The following LSM12 variants were observed in gnomAD, a reference collection of about 807,000 sequenced individuals.
The protein encoded by LSM12 is LSM12 homolog.
For missense variants in LSM12, 108 were observed against 238.9 expected (o/e 0.45, Z 3.61); for synonymous variants, 74 against 87.3 (o/e 0.85, Z 0.85).
intron 2 of LSM12, among the ~76,000 whole-genome samples, chr17:44,046,121 G>A (rs975895103): frequency 5.3e-5 from 8 of 151,064 alleles, no homozygotes; most frequent in Non-Finnish European, 1.2e-4. Context: ...ATTTTTAGTA[G>A]AGACAGGGTT....
intron 2 of LSM12, among the ~76,000 whole-genome samples, chr17:44,050,842 A>T (rs1414029031): frequency 6.6e-6 from 1 of 152,170 alleles, no homozygotes; most frequent in East Asian, 1.9e-4. Context: ...TTCTAATAAA[A>T]TACTGTTCCT....
chr17:44,061,334 AAC>A (rs1041100184), intron 2 of LSM12, among the ~76,000 whole-genome samples: 5 of 151,786 alleles, frequency 3.3e-5, no homozygotes, highest in African/African-American at 7.3e-5. Context: ...AAAAAAAAAA[AAC>A]ACCAAGGAAT....
chr17:44,059,557 A>T (rs995194221), intron 2 of LSM12, among the ~76,000 whole-genome samples: 5 of 152,082 alleles, frequency 3.3e-5, no homozygotes, highest in African/African-American at 1.2e-4. Flanking sequence ...GTCTCAAAAA[A>T]AAGAATTCCC....
intron 2 of LSM12, among the ~76,000 whole-genome samples, chr17:44,041,334 A>ACACACACACAAACACAC (rs2049491143): frequency 2.9e-5 from 3 of 104,546 alleles, no homozygotes; most frequent in Non-Finnish European, 5.8e-5. Context: ...CACACACACA[A>ACACACACACAAACACAC]ACACACACAC....
At chr17:44,066,790 G>A (rs940402879), upstream of LSM12, 2 of 548,158 alleles carry the variant, frequency 3.6e-6, no homozygotes, top group Non-Finnish European at 5.3e-6. Flanking sequence ...TATTTGTATA[G>A]CTGCGTCCGC....
intron 2 of LSM12, among the ~76,000 whole-genome samples, chr17:44,041,786 T>C (rs983439741): frequency 1.1e-4 from 17 of 152,188 alleles, no homozygotes; most frequent in Non-Finnish European, 2.1e-4. Flanking sequence ...GAGGTACAAA[T>C]TTGTTTGAGT....
rs1242893520 is a variant in LSM12 at position 44,035,227 on chromosome 17, C to CAAGA, written c.*977_*980dup. 4.1e-5 allele frequency: 2 copies of CAAGA among 49,302 alleles called. No individual in the cohort carries two copies. The highest frequency in any genetic ancestry group is 1.7e-4 in the African/African-American group (2 of 11,946). The allele number at this position is 49,302 out of a possible 1,614,324, so 3.1% of individuals were successfully genotyped here. A position where few individuals can be genotyped will look rare whatever the true frequency, so the allele number is the denominator to read the frequency against. On this transcript the variant is annotated 3_prime_UTR_variant, in exon 5 of 5. Coordinates refer to ENST00000293406, the MANE Select transcript of LSM12 (RefSeq NM_001371445.1). ...CAATGAGGAGCTGAGATGTGCCATG[C>CAAGA]AAGAGAGTTCTTCCTGCAGAGGCAC... is the stretch of plus-strand genomic sequence containing the variant.
At chr17:44,051,223 G>C (rs1443582480) in intron 2 of LSM12, among the ~76,000 whole-genome samples, 1 of 151,898 alleles carries the variant, frequency 6.6e-6, no homozygotes, top group Non-Finnish European at 1.5e-5. Flanking sequence ...TGGCCAATAT[G>C]GTAAAACCCC....
At chr17:44,063,259 T>C (rs2049823895) in intron 2 of LSM12, among the ~76,000 whole-genome samples, 1 of 151,114 alleles carries the variant, frequency 6.6e-6, no homozygotes, top group African/African-American at 2.4e-5. Flanking sequence ...GACTTGGGGG[T>C]TCCCAGAGAT....
At chr17:44,066,273 T>C (rs1282138846) in intron 1 of LSM12, among the ~76,000 whole-genome samples, 191 bp downstream of exon 1, 2 of 151,636 alleles carry the variant, frequency 1.3e-5, no homozygotes, top group Admixed American at 1.3e-4. Flanking sequence ...AGAGACAGGA[T>C]CCCCAAAGCT....
In LSM12 at chr17:44,056,663, A is replaced by G. The variant is rs148225394; in HGVS notation, c.258+7138T>C. On this transcript the variant is annotated intron_variant, in intron 2 of 4. Coordinates refer to ENST00000293406, the MANE Select transcript of LSM12 (RefSeq NM_001371445.1). ...AGCTGAGATTGCACCACTGCACTCC[A>G]GCCTTGGTGACAAAGGAAAACTCCT... 2.7e-3 allele frequency among the ~76,000 whole-genome samples: 409 copies of G among 151,766 alleles called. 1 individual carries two copies. The highest frequency in any genetic ancestry group is 9.5e-3 in the African/African-American group (394 of 41,342).
chr17:44,065,863 C>G (rs989705433), intron 1 of LSM12, among the ~76,000 whole-genome samples: 1 of 151,904 alleles, frequency 6.6e-6, no homozygotes, highest in Admixed American at 6.6e-5. Context: ...ATCAGCACAG[C>G]CCCCCCACCA....
At chr17:44,065,038 C>T (rs1017768327) in intron 1 of LSM12, among the ~76,000 whole-genome samples, 2 of 151,996 alleles carry the variant, frequency 1.3e-5, no homozygotes, top group African/African-American at 2.4e-5. Context: ...GAGGCTGAGG[C>T]AGAAGAATCG....
upstream of LSM12, chr17:44,067,539 A>G (rs536534741): frequency 1.3e-5 from 2 of 152,332 alleles, no homozygotes; most frequent in African/African-American, 4.8e-5. Flanking sequence ...ACATAAACTA[A>G]GTTTTAGACT....
chr17:44,051,143 A>G (rs978012481), intron 2 of LSM12, among the ~76,000 whole-genome samples: 1 of 152,058 alleles, frequency 6.6e-6, no homozygotes, highest in African/African-American at 2.4e-5. Flanking sequence ...GTGGTGGCTC[A>G]CACCTGTAAT....
intron 2 of LSM12, among the ~76,000 whole-genome samples, chr17:44,054,486 T>G (rs946060085): frequency 5.9e-5 from 9 of 152,112 alleles, no homozygotes; most frequent in Non-Finnish European, 1.3e-4. Context: ...AATTTTGTAT[T>G]TTTTGTACAG....
chr17:44,054,462 C>A (rs1265403220), intron 2 of LSM12, among the ~76,000 whole-genome samples: 1 of 152,042 alleles, frequency 6.6e-6, no homozygotes, highest in East Asian at 1.9e-4. Flanking sequence ...ACAGGCACAC[C>A]ACCACATCTG....
intron 2 of LSM12, among the ~76,000 whole-genome samples, chr17:44,042,531 C>T (rs2049508056): frequency 6.6e-6 from 1 of 150,916 alleles, no homozygotes; most frequent in Non-Finnish European, 1.5e-5. Flanking sequence ...TCCAGAGTAG[C>T]TGGGATTACA....
chr17:44,041,929 GC>G (rs1483542068), intron 2 of LSM12, among the ~76,000 whole-genome samples: 1 of 152,212 alleles, frequency 6.6e-6, no homozygotes, highest in Non-Finnish European at 1.5e-5. Flanking sequence ...TAACAATGCT[GC>G]AGCACATGTG....
Sources: allele counts gnomAD v4.1 joint callset (sites outside exome capture counted in the v4.1 genomes callset), GRCh38; gene constraint gnomAD v4.1.1; transcripts MANE v1.5; gene names NCBI Gene and HGNC (gene_info 2026-07-23, HGNC 2026-07-21).